The following SRBD1 variants were observed in gnomAD, a reference collection of about 807,000 sequenced individuals.
SRBD1 encodes S1 RNA binding domain 1, also known as S1 RNA-binding domain-containing protein 1.
Under a neutral mutation model 115.3 loss-of-function variants are expected in SRBD1, and 88 were observed. The observed-to-expected ratio is 0.76, with a 90% CI of 0.64 to 0.91. The LOEUF is 0.91. Among genes scored for constraint, SRBD1 ranks in the 40% least tolerant of loss-of-function variants. The probability of loss-of-function intolerance (pLI) is 0.00; values close to 1 mark genes in which losing one functional copy is unlikely to be tolerated. For synonymous variants in SRBD1, 509 were observed against 407.7 expected, an observed-to-expected ratio of 1.25 and a Z score of -2.99; for missense variants, 1,385 against 1,177.4, an observed-to-expected ratio of 1.18 and a Z score of -2.58.
rs560313981 is a variant in SRBD1 at position 45,457,758 on chromosome 2, G to T, written c.2049+19235C>A. On this transcript the variant is annotated intron_variant, in intron 16 of 20. Coordinates refer to ENST00000263736, the MANE Select transcript of SRBD1 (RefSeq NM_018079.5). Reference sequence around the variant, plus strand: ...ATAGTCTAATTCAGCTAACATTTGGGAGCTGTTGACTTCAAGAGACCAAGA... The same window carrying T: ...ATAGTCTAATTCAGCTAACATTTGGTAGCTGTTGACTTCAAGAGACCAAGA... Among the ~76,000 whole-genome samples the T allele has an allele frequency of 2.2e-4, 33 of 152,066 alleles. 1 individual carries two copies. In the South Asian group the frequency reaches 6.6e-3, roughly 31 times the overall value.
At chr2:45,428,577 A>AATAAATAAATAC (rs1327021260) in intron 16 of SRBD1, among the ~76,000 whole-genome samples, 5 of 125,834 alleles carry the variant, frequency 4.0e-5, no homozygotes, top group African/African-American at 1.4e-4. Context: ...TAAATAAATA[A>AATAAATAAATAC]ATAAATACAT....
intron 7 of SRBD1, among the ~76,000 whole-genome samples, chr2:45,577,027 T>C (rs1054789118): frequency 6.6e-6 from 1 of 152,082 alleles, no homozygotes. Context: ...GTTAAAACTA[T>C]GAATGGCTAG....
intron 19 of SRBD1, among the ~76,000 whole-genome samples, chr2:45,403,285 A>G (rs1204173739): frequency 1.3e-5 from 2 of 152,102 alleles, no homozygotes; most frequent in East Asian, 3.9e-4. Context: ...TTCTACCAAC[A>G]ATTTTGTTTA....
chr2:45,500,707 C>T (rs909866750), intron 14 of SRBD1, among the ~76,000 whole-genome samples: 3 of 152,204 alleles, frequency 2.0e-5, no homozygotes, highest in African/African-American at 4.8e-5. Flanking sequence ...TGAGCCACCA[C>T]AGCCAGCCAA....
intron 14 of SRBD1, among the ~76,000 whole-genome samples, chr2:45,543,741 C>T (rs1227222779): frequency 3.9e-5 from 6 of 152,174 alleles, no homozygotes; most frequent in Non-Finnish European, 7.3e-5. Flanking sequence ...CATTTAAAAA[C>T]TTCAAAAGCA....
intron 9 of SRBD1, among the ~76,000 whole-genome samples, chr2:45,566,318 A>T (rs894897281): frequency 1.3e-5 from 2 of 152,242 alleles, no homozygotes; most frequent in African/African-American, 2.4e-5. Context: ...CTATTCACTG[A>T]CTGATGAATG....
chr2:45,429,176 C>G (rs1401529891), intron 16 of SRBD1, among the ~76,000 whole-genome samples: 1 of 151,962 alleles, frequency 6.6e-6, no homozygotes, highest in East Asian at 1.9e-4. Flanking sequence ...ACCAAAAAAG[C>G]CCAGGACCTG....
chr2:45,494,682 G>A (rs935788365), intron 14 of SRBD1, among the ~76,000 whole-genome samples: 9 of 152,124 alleles, frequency 5.9e-5, no homozygotes, highest in African/African-American at 2.2e-4. Context: ...TATCCTTCAT[G>A]ATCACTAAGG....
intron 4 of SRBD1, among the ~76,000 whole-genome samples, chr2:45,598,539 G>T (rs537130631): frequency 6.6e-6 from 1 of 152,082 alleles, no homozygotes; most frequent in South Asian, 2.1e-4. Flanking sequence ...GCATGAACCC[G>T]GGAGGTGGAG....
chr2:45,421,510 C>CAAAAAAAAAAAAAAAAAAAAAA (rs869298079), intron 16 of SRBD1, among the ~76,000 whole-genome samples: 1 of 22,294 alleles, frequency 4.5e-5, no homozygotes. Flanking sequence ...CCGTCTCAAA[C>CAAAAAAAAAAAAAAAAAAAAAA]AAAAAAAAAA....
chr2:45,448,332 T>A (rs1386434881), intron 16 of SRBD1, among the ~76,000 whole-genome samples: 1 of 152,166 alleles, frequency 6.6e-6, no homozygotes, highest in Non-Finnish European at 1.5e-5. Context: ...TATTTTATTA[T>A]AAACTGGGTA....
At chr2:45,551,844 G>C (rs1308104231) in intron 11 of SRBD1, among the ~76,000 whole-genome samples, 2 of 152,212 alleles carry the variant, frequency 1.3e-5, no homozygotes, top group African/African-American at 2.4e-5. Flanking sequence ...TCAGCTGAAA[G>C]AAGTATACAA....
intron 9 of SRBD1, among the ~76,000 whole-genome samples, chr2:45,571,532 A>C (rs1572791860): frequency 6.7e-6 from 1 of 149,568 alleles, no homozygotes; most frequent in South Asian, 2.1e-4. Context: ...AAAAAAAAAA[A>C]AAAAAAAAAA....
chr2:45,519,820 G>A (rs921627793), intron 14 of SRBD1, among the ~76,000 whole-genome samples: 5 of 152,148 alleles, frequency 3.3e-5, no homozygotes, highest in East Asian at 3.9e-4. Flanking sequence ...CTAAGTACTC[G>A]CATATGTTAA....
chr2:45,543,518 G>T (rs927791287), intron 14 of SRBD1, among the ~76,000 whole-genome samples: 2 of 152,314 alleles, frequency 1.3e-5, no homozygotes, highest in South Asian at 2.1e-4. Context: ...CAAGATTATA[G>T]ATTAACCTAT....
chr2:45,605,803 C>T (rs1674250600), intron 1 of SRBD1, among the ~76,000 whole-genome samples: 1 of 151,012 alleles, frequency 6.6e-6, no homozygotes, highest in Non-Finnish European at 1.5e-5. Flanking sequence ...ACTGGGGAGG[C>T]TGAGGCAGAA....
chr2:45,526,898 G>T (rs561603544), intron 14 of SRBD1, among the ~76,000 whole-genome samples: 4 of 151,726 alleles, frequency 2.6e-5, no homozygotes, highest in Non-Finnish European at 5.9e-5. Context: ...GAATAGCTAC[G>T]GAGGGGAAGA....
intron 18 of SRBD1, among the ~76,000 whole-genome samples, chr2:45,414,965 T>C (rs893299533): frequency 4.7e-5 from 5 of 107,390 alleles, no homozygotes; most frequent in East Asian, 3.1e-4. Flanking sequence ...CACACACATA[T>C]AGTGTGTATA....
rs572138355 is a variant in SRBD1, at chr2:45,408,231, A to G, written c.2513+4883T>C. Among the ~76,000 whole-genome samples, 25 of 152,344 alleles carry G rather than the reference A, an allele frequency of 1.6e-4. No homozygotes were observed. The South Asian group carries it at 5.2e-3, about 32-fold the overall frequency. On this transcript the variant is annotated intron_variant, in intron 19 of 20. Coordinates refer to ENST00000263736, the MANE Select transcript of SRBD1 (RefSeq NM_018079.5). The stretch of plus-strand genomic sequence containing the variant: ...GGAAGACACTTGTGTGAGAATATAT[A>G]GAGTATGAACTACCTATGCTGAGTG...
Sources: gnomAD v4.1 joint callset for allele counts (sites outside exome capture counted in the v4.1 genomes callset) on GRCh38, gnomAD v4.1.1 for gene constraint, MANE v1.5 for transcripts, NCBI Gene and HGNC (gene_info 2026-07-23, HGNC 2026-07-21) for gene names.